LRCH2: variants seen among roughly 807,000 people sequenced by gnomAD.
The protein encoded by LRCH2 is leucine rich repeats and calponin homology domain containing 2, also known as leucine-rich repeat and calponin homology domain-containing protein 2.
Under a neutral mutation model 68.9 loss-of-function variants are expected in LRCH2, and 38 were observed. The observed-to-expected ratio is 0.55, with a 90% CI of 0.43 to 0.72. The LOEUF is 0.72. LRCH2 is among the 30% of genes least tolerant of loss of function. The pLI is 0.00. For synonymous variants in LRCH2, 191 were observed against 208.1 expected (o/e 0.92, Z 0.71); for missense variants, 528 against 572.9 (o/e 0.92, Z 0.80).
At chrX:115,196,604 C>A (rs1157875199) in intron 1 of LRCH2, among the ~76,000 whole-genome samples, 1 of 111,422 alleles carries the variant, frequency 9.0e-6, no homozygotes, top group East Asian at 2.8e-4. Context: ...GCATAAACAC[C>A]CTGCTTCTAC....
intron 1 of LRCH2, among the ~76,000 whole-genome samples, chrX:115,199,906 G>A (rs2072918030): frequency 8.9e-6 from 1 of 112,074 alleles, no homozygotes; most frequent in Admixed American, 9.5e-5. Flanking sequence ...CATAAAACAA[G>A]TATCAACAAA....
chrX:115,143,483 T>C (rs1402233093), intron 14 of LRCH2, among the ~76,000 whole-genome samples: 2 of 111,354 alleles, frequency 1.8e-5, no homozygotes, highest in Non-Finnish European at 3.8e-5. Flanking sequence ...ATCAAATCTG[T>C]AATAAATAGT....
At chrX:115,172,501 T>C (rs1556547817) in intron 5 of LRCH2, among the ~76,000 whole-genome samples, 4 of 111,992 alleles carry the variant, frequency 3.6e-5, no homozygotes. Flanking sequence ...TATGTCACAG[T>C]TTTTCACTAA....
rs909149522 is a variant in LRCH2 at position 115,190,031 on chromosome X, G to A, written c.350-1661C>T. 37 of 1,156,722 alleles carry A rather than the reference G, an allele frequency of 3.2e-5. No homozygotes were observed. The highest frequency in any genetic ancestry group is 1.6e-4 in the Admixed American group (6 of 38,268). On this transcript the variant is annotated intron_variant, in intron 1 of 20. Coordinates refer to ENST00000317135, the MANE Select transcript of LRCH2 (RefSeq NM_020871.4). The stretch of plus-strand genomic sequence containing the variant: ...GATGGCTACTCAGGCTTGCAGCCAC[G>A]GCGCTGGGCCGGCCCACCCCACAAG...
intron 1 of LRCH2, chrX:115,190,222 C>T (rs1225566473): frequency 8.8e-5 from 103 of 1,164,655 alleles, no homozygotes; most frequent in Non-Finnish European, 1.1e-4. Context: ...AGACTACAGC[C>T]GCCGCTATTA....
intron 1 of LRCH2, chrX:115,190,567 G>T (rs1556557458): frequency 2.6e-6 from 3 of 1,165,065 alleles, no homozygotes; most frequent in African/African-American, 1.8e-5. Context: ...TTCCAGTAAC[G>T]GTTACAGCCG....
In LRCH2 at chrX:115,123,116, T is replaced by G. The variant is rs1424264051; in HGVS notation, c.1926A>C (p.Leu642Phe). Residue 642 changes from leucine to phenylalanine, a missense_variant, in exon 18 of 21, where the codon TTA becomes TTC. Physicochemically the swap from Leu to Phe is conservative, Grantham distance 22. Transcript: ENST00000317135. ...GTCGTATTTGCTCTCGCTCTTCCCG[T>G]AAATGTTCCATCTTTCTTCTCATTG... The part of the protein sequence containing the change: ...GFTMRRKMEH[L>F]REEREQIRQL... 8.3e-7 allele frequency: 1 copy of G among 1,210,466 alleles called. No individual in the cohort carries two copies. Among genetic ancestry groups the G allele is most frequent in the African/African-American group, 1.7e-5 (1 of 57,761 alleles).
intron 1 of LRCH2, among the ~76,000 whole-genome samples, chrX:115,201,647 A>G (rs1289573390): frequency 6.3e-5 from 7 of 111,998 alleles, no homozygotes; most frequent in Admixed American, 5.7e-4. Context: ...TGAATATAGT[A>G]CTGGAAGTCC....
intron 11 of LRCH2, among the ~76,000 whole-genome samples, chrX:115,160,795 G>A (rs1408094714): frequency 9.0e-6 from 1 of 111,418 alleles, no homozygotes; most frequent in Non-Finnish European, 1.9e-5. Context: ...CAAATCCACT[G>A]TAGGATATAT....
chrX:115,168,772 C>A (rs782187353), intron 6 of LRCH2, among the ~76,000 whole-genome samples: 103 of 111,256 alleles, frequency 9.3e-4, no homozygotes, highest in Admixed American at 2.6e-3. Context: ...TACTTCCAAT[C>A]TATTCTCCTA....
intron 14 of LRCH2, among the ~76,000 whole-genome samples, chrX:115,149,394 G>GA (rs781836769): frequency 7.0e-4 from 78 of 111,025 alleles, no homozygotes; most frequent in Non-Finnish European, 1.3e-3. Flanking sequence ...GTAACAAGAA[G>GA]AAAAAAATGG....
At chrX:115,191,118 G>T in intron 1 of LRCH2, 2 of 1,160,999 alleles carry the variant, frequency 1.7e-6, no homozygotes, top group Non-Finnish European at 2.3e-6. Flanking sequence ...GAGGCCGCTC[G>T]CATGACGCCC....
intron 12 of LRCH2, among the ~76,000 whole-genome samples, chrX:115,155,966 G>T (rs1272061985): frequency 9.0e-6 from 1 of 111,439 alleles, no homozygotes; most frequent in Non-Finnish European, 1.9e-5. Context: ...GGAGTCACAA[G>T]TAAGATTTGT....
At chrX:115,220,913 C>T (rs1162836770) in intron 1 of LRCH2, among the ~76,000 whole-genome samples, 1 of 108,978 alleles carries the variant, frequency 9.2e-6, no homozygotes, top group Non-Finnish European at 1.9e-5. Flanking sequence ...ACCGGCCAGG[C>T]GCAGTGGCTC....
rs868979668 is a variant in LRCH2, at chrX:115,125,621, A to G, written c.1791+1222T>C. 9.6e-5 allele frequency among the ~76,000 whole-genome samples: 7 copies of G among 72,808 alleles called. 1 individual carries two copies. The highest frequency in any genetic ancestry group is 1.8e-4 in the Non-Finnish European group (7 of 39,624). 63.2% of individuals were successfully genotyped at this position (72,808 alleles called of 115,157 possible). ...CATATATATACGTATATATATATGTATATATATACATATATATACATATAT... is the reference window on the plus strand; with the variant it reads ...CATATATATACGTATATATATATGTGTATATATACATATATATACATATAT... On this transcript the variant is annotated intron_variant, in intron 16 of 20. Coordinates refer to ENST00000317135, the MANE Select transcript of LRCH2 (RefSeq NM_020871.4).
At chrX:115,199,983 A>G (rs188685037) in intron 1 of LRCH2, among the ~76,000 whole-genome samples, 1 of 112,361 alleles carries the variant, frequency 8.9e-6, no homozygotes, top group Non-Finnish European at 1.9e-5. Context: ...AATCAATACA[A>G]AAAGGAACTT....
chrX:115,199,049 T>C (rs1254553146), intron 1 of LRCH2, among the ~76,000 whole-genome samples: 2 of 112,117 alleles, frequency 1.8e-5, no homozygotes, highest in African/African-American at 6.5e-5. Context: ...TCATCGCCAC[T>C]AAACTGGCCC....
At position 115,122,424 on chromosome X, in the gene LRCH2, T is replaced by A. The variant is rs782754111; in HGVS notation, c.2178+103A>T. Reference sequence around the variant, plus strand: ...GAAGGTACCAAGAGAAGGCATTCATTTTCATGTTCAGAAAGCATTATTCAT... The same window carrying A: ...GAAGGTACCAAGAGAAGGCATTCATATTCATGTTCAGAAAGCATTATTCAT... On this transcript the variant is annotated intron_variant, in intron 20 of 20. Coordinates refer to ENST00000317135, the MANE Select transcript of LRCH2 (RefSeq NM_020871.4). The A allele has an allele frequency of 6.5e-5, 41 of 627,785 alleles. No homozygotes were observed. In the South Asian group the frequency reaches 1.2e-3, roughly 18 times the overall value. The allele number at this position is 627,785 out of a possible 1,213,427, so 51.7% of individuals were successfully genotyped here. A position where few individuals can be genotyped will look rare whatever the true frequency, so the allele number is the denominator to read the frequency against.
rs1398975347 is a variant in LRCH2 at position 115,192,028 on chromosome X, G to A, written c.350-3658C>T. On this transcript the variant is annotated intron_variant, in intron 1 of 20. Transcript: ENST00000317135. Reference sequence around the variant, plus strand: ...CTATGGAGGAGGAGGCCACTACGAAGAGTACCGAGGCCGCTCGCACGACAC... The same window carrying A: ...CTATGGAGGAGGAGGCCACTACGAAAAGTACCGAGGCCGCTCGCACGACAC... 1.7e-6 allele frequency: 2 copies of A among 1,166,208 alleles called. No homozygotes were observed. The highest frequency in any genetic ancestry group is 3.6e-5 in the African/African-American group (2 of 55,763).
Sources: gnomAD v4.1 joint callset for allele counts (sites outside exome capture counted in the v4.1 genomes callset) on GRCh38, gnomAD v4.1.1 for gene constraint, MANE v1.5 for transcripts, NCBI Gene and HGNC (gene_info 2026-07-23, HGNC 2026-07-21) for gene names.